Variants in ASCC1 observed in about 807,000 individuals in gnomAD.
ASCC1 encodes the protein ASC-1 complex subunit P50.
Under a neutral mutation model 46.6 loss-of-function variants are expected in ASCC1, and 35 were observed. That is an observed-to-expected ratio of 0.75 (90% confidence interval 0.57 to 0.99). The LOEUF (loss-of-function observed/expected upper bound fraction) is 0.99. Among genes scored for constraint, ASCC1 ranks in the 50% least tolerant of loss-of-function variants. The probability of loss-of-function intolerance (pLI) is 0.00; values close to 1 mark genes in which losing one functional copy is unlikely to be tolerated. For synonymous variants in ASCC1, 143 were observed against 146.6 expected, an observed-to-expected ratio of 0.98 and a Z score of 0.18; for missense variants, 376 against 428.7, an observed-to-expected ratio of 0.88 and a Z score of 1.09.
intron 3 of ASCC1, chr10:72,204,619 A>G (rs1194757679): frequency 1.5e-6 from 2 of 1,344,130 alleles, no homozygotes; most frequent in Non-Finnish European, 2.0e-6. Flanking sequence ...CTATGACTTC[A>G]ATTACAGTAC....
intron 9 of ASCC1, among the ~76,000 whole-genome samples, chr10:72,101,575 A>G (rs942663610): frequency 2.0e-5 from 3 of 152,080 alleles, no homozygotes; most frequent in Admixed American, 6.5e-5. Flanking sequence ...TGAAGCAGTG[A>G]GAAAGACAGA....
At chr10:72,136,414 G>A (rs143911803) in intron 7 of ASCC1, among the ~76,000 whole-genome samples, 45 of 152,274 alleles carry the variant, frequency 3.0e-4, no homozygotes, top group African/African-American at 9.9e-4. Context: ...CTGTGAAAAC[G>A]CACCAATCAG....
chr10:72,127,391 T>A (rs544514063), intron 9 of ASCC1, among the ~76,000 whole-genome samples: 1 of 152,182 alleles, frequency 6.6e-6, no homozygotes, highest in African/African-American at 2.4e-5. Flanking sequence ...TTACATTTCA[T>A]AGATTAATTC....
At chr10:72,118,089 C>T (rs924157302) in intron 9 of ASCC1, among the ~76,000 whole-genome samples, 11 of 152,114 alleles carry the variant, frequency 7.2e-5, no homozygotes, top group Non-Finnish European at 1.0e-4. Flanking sequence ...AATTTTCGGC[C>T]GGACATGGTG....
At chr10:72,142,797 C>T (rs1480212370) in intron 7 of ASCC1, among the ~76,000 whole-genome samples, 1 of 152,066 alleles carries the variant, frequency 6.6e-6, no homozygotes, top group Non-Finnish European at 1.5e-5. Context: ...ACTTCGTTTC[C>T]ATTACACATG....
At chr10:72,206,509 C>A (rs189302531) in intron 3 of ASCC1, among the ~76,000 whole-genome samples, 96 of 152,252 alleles carry the variant, frequency 6.3e-4, no homozygotes, top group African/African-American at 1.9e-3. Flanking sequence ...AAGAGCTTCC[C>A]AATAAGTGGC....
intron 9 of ASCC1, among the ~76,000 whole-genome samples, chr10:72,104,950 G>A (rs188664818): frequency 2.0e-5 from 3 of 152,220 alleles, no homozygotes; most frequent in East Asian, 1.9e-4. Context: ...CTTGACTTCC[G>A]GGAAGAGCCA....
chr10:72,124,319 A>G (rs1322982706), intron 9 of ASCC1, among the ~76,000 whole-genome samples: 1 of 152,194 alleles, frequency 6.6e-6, no homozygotes, highest in Non-Finnish European at 1.5e-5. Context: ...TAAGTGTCTA[A>G]AGAAATGGCA....
intron 8 of ASCC1, among the ~76,000 whole-genome samples, 161 bp downstream of exon 8, chr10:72,132,896 T>C (rs1291527645): frequency 6.6e-6 from 1 of 152,200 alleles, no homozygotes; most frequent in South Asian, 2.1e-4. Flanking sequence ...TTCCATGCTA[T>C]ATATGTTCTT....
chr10:72,187,537 G>C (rs1205352923), intron 5 of ASCC1, among the ~76,000 whole-genome samples: 1 of 150,098 alleles, frequency 6.7e-6, no homozygotes, highest in Non-Finnish European at 1.5e-5. Flanking sequence ...TGGCTAACAC[G>C]GTGAAACCCT....
At chr10:72,216,482 C>CCT (rs1331802443), upstream of ASCC1, among the ~76,000 whole-genome samples, 1 of 16,694 alleles carries the variant, frequency 6.0e-5, no homozygotes, top group African/African-American at 5.6e-4. Context: ...CCGTTCCCGC[C>CCT]CCCCCCCCCC....
intron 5 of ASCC1, among the ~76,000 whole-genome samples, chr10:72,185,796 C>T (rs960410077): frequency 2.6e-5 from 4 of 152,104 alleles, no homozygotes; most frequent in African/African-American, 9.7e-5. Flanking sequence ...AAAACAAGTG[C>T]ATTATAATGT....
chr10:72,131,187 G>A (rs1469290223), intron 8 of ASCC1, among the ~76,000 whole-genome samples: 3 of 152,136 alleles, frequency 2.0e-5, no homozygotes, highest in Non-Finnish European at 4.4e-5. Context: ...TTGGGAGGCC[G>A]AGGCAGGTGG....
At chr10:72,148,770 A>G (rs1847931636) in intron 7 of ASCC1, among the ~76,000 whole-genome samples, 1 of 152,202 alleles carries the variant, frequency 6.6e-6, no homozygotes, top group African/African-American at 2.4e-5. Flanking sequence ...ATCCAGTCAA[A>G]ATGTGTAACA....
At chr10:72,212,343 AAAAC>A (rs1461796630) in intron 2 of ASCC1, 1 of 161,778 alleles carries the variant, frequency 6.2e-6, no homozygotes, top group African/African-American at 2.4e-5. Flanking sequence ...TAAAAAATAA[AAAAC>A]AATACAGTAC....
At chr10:72,163,423 T>C (rs1024351126) in intron 5 of ASCC1, among the ~76,000 whole-genome samples, 1 of 152,068 alleles carries the variant, frequency 6.6e-6, no homozygotes, top group Non-Finnish European at 1.5e-5. Flanking sequence ...CAGTGGAATA[T>C]TATTCAGCCT....
At chr10:72,125,077 G>A (rs901465342) in intron 9 of ASCC1, among the ~76,000 whole-genome samples, 2 of 152,152 alleles carry the variant, frequency 1.3e-5, no homozygotes, top group Non-Finnish European at 2.9e-5. Context: ...AGTCATTAAA[G>A]ATTTCTTTTT....
At chr10:72,133,564 C>A in intron 7 of ASCC1, 1 of 296,672 alleles carries the variant, frequency 3.4e-6, no homozygotes, top group Non-Finnish European at 6.6e-6. Context: ...GCAAAGATGC[C>A]AAGGCATGCA....
rs369483066 is a variant in ASCC1 at position 72,182,465 on chromosome 10, G to A, written c.489+14346C>T. On this transcript the variant is annotated intron_variant, in intron 5 of 9. Transcript: ENST00000672957. Reference sequence around the variant, plus strand: ...CTGACTTGGAGGGCTAATGGGAATGGTGGCATAGTCTGGATATCAGGATGG... The same window carrying A: ...CTGACTTGGAGGGCTAATGGGAATGATGGCATAGTCTGGATATCAGGATGG... 9.7e-4 allele frequency among the ~76,000 whole-genome samples: 148 copies of A among 152,294 alleles called. 2 individuals are homozygous for A. Among genetic ancestry groups the A allele is most frequent in the African/African-American group, 3.5e-3 (144 of 41,558 alleles).
Sources: allele counts gnomAD v4.1 joint callset (sites outside exome capture counted in the v4.1 genomes callset), GRCh38; gene constraint gnomAD v4.1.1; transcripts MANE v1.5; gene names NCBI Gene and HGNC (gene_info 2026-07-23, HGNC 2026-07-21).